Variants in PTPRT observed in about 807,000 individuals in gnomAD.
The protein encoded by PTPRT is receptor-type tyrosine-protein phosphatase T.
PTPRT carries 56 observed loss-of-function variants against 176.8 expected under a neutral mutation model. That is an observed-to-expected ratio of 0.32 (90% CI 0.26 to 0.40). The LOEUF is 0.40. Ranked by LOEUF, PTPRT falls within the 10% of genes least tolerant of loss-of-function variation. The pLI, the probability that PTPRT is intolerant of heterozygous loss-of-function variation, is 1.00. For synonymous variants in PTPRT, 783 were observed against 739.0 expected, an observed-to-expected ratio of 1.06 and a Z score of -0.96; for missense variants, 1,540 against 1,908.2, an observed-to-expected ratio of 0.81 and a Z score of 3.60.
chr20:42,245,002 G>A (rs2056423837), intron 14 of PTPRT, among the ~76,000 whole-genome samples: 1 of 152,158 alleles, frequency 6.6e-6, no homozygotes, highest in Non-Finnish European at 1.5e-5. Flanking sequence ...AAGATGATCA[G>A]GACTGCAGTG....
At chr20:43,091,542 C>A (rs2011872236) in intron 1 of PTPRT, among the ~76,000 whole-genome samples, 1 of 151,380 alleles carries the variant, frequency 6.6e-6, no homozygotes, top group Non-Finnish European at 1.5e-5. Flanking sequence ...CTCTCTCACA[C>A]ACACATACAC....
intron 5 of PTPRT, among the ~76,000 whole-genome samples, chr20:42,763,155 A>G (rs929611566): frequency 2.0e-5 from 3 of 152,186 alleles, no homozygotes; most frequent in African/African-American, 4.8e-5. Flanking sequence ...CTGATTATCT[A>G]TCAAGGTTTC....
intron 16 of PTPRT, among the ~76,000 whole-genome samples, chr20:42,186,715 C>G (rs141840477): frequency 7.5e-4 from 114 of 152,128 alleles, no homozygotes; most frequent in African/African-American, 2.7e-3. Flanking sequence ...GAAAAGGTCT[C>G]CCTGGCTCCT....
At chr20:42,512,352 T>C (rs1453794913) in intron 7 of PTPRT, among the ~76,000 whole-genome samples, 3 of 152,186 alleles carry the variant, frequency 2.0e-5, no homozygotes, top group Admixed American at 2.0e-4. Flanking sequence ...ACTATGGTTT[T>C]ATCTTTTTGA....
At chr20:43,110,791 AGAG>A (rs1377695586) in intron 1 of PTPRT, among the ~76,000 whole-genome samples, 98 of 152,284 alleles carry the variant, frequency 6.4e-4, no homozygotes, top group African/African-American at 2.3e-3. Context: ...GGCTGGGAGC[AGAG>A]GAGGAGAAGG....
At chr20:42,919,649 C>T (rs533348943) in intron 1 of PTPRT, among the ~76,000 whole-genome samples, 8 of 152,300 alleles carry the variant, frequency 5.3e-5, no homozygotes, top group Admixed American at 4.6e-4. Context: ...TGTATCCCCA[C>T]TACCAAAAAG....
intron 7 of PTPRT, among the ~76,000 whole-genome samples, chr20:42,536,675 C>T (rs113960513): frequency 0.022 from 3,320 of 152,302 alleles, 59 homozygotes; most frequent in South Asian, 0.063. Context: ...TTTATCAGAA[C>T]ACATGAGAAG....
At chr20:42,462,634 T>C (rs1230945920) in intron 8 of PTPRT, among the ~76,000 whole-genome samples, 1 of 152,132 alleles carries the variant, frequency 6.6e-6, no homozygotes, top group Non-Finnish European at 1.5e-5. Context: ...CAGAGTGAAA[T>C]GTTTAAAATG....
chr20:42,041,143 A>G, the PTPRT span, among the ~76,000 whole-genome samples: 2 of 152,236 alleles, frequency 1.3e-5, no homozygotes, highest in African/African-American at 4.8e-5. Context: ...TCTTTAACCA[A>G]GGCTCTGCTG....
intron 8 of PTPRT, among the ~76,000 whole-genome samples, chr20:42,471,986 G>A (rs1429172165): frequency 6.6e-6 from 1 of 152,076 alleles, no homozygotes; most frequent in Non-Finnish European, 1.5e-5. Flanking sequence ...ATGCAAGAAT[G>A]GTCTAATACA....
At chr20:43,031,376 A>G (rs1986131579) in intron 1 of PTPRT, among the ~76,000 whole-genome samples, 1 of 152,230 alleles carries the variant, frequency 6.6e-6, no homozygotes, top group Admixed American at 6.5e-5. Context: ...GTGAAGACAC[A>G]GCAACAAGGC....
intron 17 of PTPRT, among the ~76,000 whole-genome samples, chr20:42,159,686 T>A (rs1989507066): frequency 6.6e-6 from 1 of 152,106 alleles, no homozygotes; most frequent in African/African-American, 2.4e-5. Flanking sequence ...AGACCGTTTT[T>A]GAAATTAAGT....
intron 7 of PTPRT, among the ~76,000 whole-genome samples, chr20:42,666,793 T>C (rs569797965): frequency 7.9e-5 from 12 of 152,352 alleles, no homozygotes; most frequent in African/African-American, 2.4e-4. Flanking sequence ...AAGAATAGGA[T>C]ACATTTTATT....
At chr20:42,289,272 A>G (rs2057281273) in intron 12 of PTPRT, among the ~76,000 whole-genome samples, 1 of 152,078 alleles carries the variant, frequency 6.6e-6, no homozygotes, top group East Asian at 1.9e-4. Context: ...AAAATTGACT[A>G]TTGGAACCTA....
intron 6 of PTPRT, among the ~76,000 whole-genome samples, chr20:42,702,797 C>T (rs1341395675): frequency 6.6e-6 from 1 of 152,218 alleles, no homozygotes. Flanking sequence ...AGAGCTAGAA[C>T]CAGATCTTCT....
chr20:42,582,923 T>C (rs1266675683), intron 7 of PTPRT, among the ~76,000 whole-genome samples: 3 of 152,148 alleles, frequency 2.0e-5, no homozygotes, highest in African/African-American at 7.2e-5. Context: ...TACTAAGAAG[T>C]GCTTGTCCTC....
chr20:42,174,461 AC>A (rs1055988669), intron 16 of PTPRT, among the ~76,000 whole-genome samples: 6 of 152,148 alleles, frequency 3.9e-5, no homozygotes, highest in African/African-American at 1.4e-4. Flanking sequence ...CAGAGCCACT[AC>A]CAGCATAAAT....
intron 6 of PTPRT, among the ~76,000 whole-genome samples, chr20:42,690,432 G>A (rs2075773894): frequency 6.6e-6 from 1 of 152,178 alleles, no homozygotes; most frequent in Non-Finnish European, 1.5e-5. Flanking sequence ...GAGAGGCAGA[G>A]GCAGAGGAAC....
At chr20:43,056,252 G>T (rs2146242372) in intron 1 of PTPRT, among the ~76,000 whole-genome samples, 1 of 152,272 alleles carries the variant, frequency 6.6e-6, no homozygotes, top group East Asian at 1.9e-4. Context: ...GCTGGCTCTG[G>T]GACGTGGCTA....
Sources: gnomAD v4.1 joint callset for allele counts (sites outside exome capture counted in the v4.1 genomes callset) on GRCh38, gnomAD v4.1.1 for gene constraint, MANE v1.5 for transcripts, NCBI Gene and HGNC (gene_info 2026-07-23, HGNC 2026-07-21) for gene names.